STK3: variants seen among roughly 807,000 people sequenced by gnomAD.
STK3 encodes the protein serine/threonine kinase 3.
In STK3, 41 loss-of-function variants were observed where a neutral mutation model predicts 58.0. The ratio of observed to expected loss-of-function variants is 0.71; its 90% confidence interval spans 0.55 to 0.92. STK3 has a LOEUF of 0.92. Ranked by LOEUF, STK3 falls within the 40% of genes least tolerant of loss-of-function variation. STK3 has a pLI of 0.00. For synonymous variants in STK3, 170 were observed against 191.0 expected (o/e 0.89, Z 0.91); for missense variants, 479 against 602.7 (o/e 0.79, Z 2.15).
At chr8:98,447,951 A>G (rs1819027766) in intron 1 of STK3, among the ~76,000 whole-genome samples, 1 of 50,728 alleles carries the variant, frequency 2.0e-5, no homozygotes, top group Non-Finnish European at 4.3e-5. Context: ...CCTAAAACTT[A>G]AAGTATAATA....
intron 1 of STK3, chr8:98,438,028 C>G (rs1222569646): frequency 6.6e-6 from 1 of 152,410 alleles, no homozygotes; most frequent in Non-Finnish European, 1.5e-5. Flanking sequence ...TCCACCCTGT[C>G]CTTTCCTCTA....
intron 1 of STK3, among the ~76,000 whole-genome samples, chr8:98,446,785 C>T (rs562032591): frequency 1.2e-4 from 18 of 152,180 alleles, no homozygotes; most frequent in South Asian, 4.2e-4. Context: ...GACATATGCA[C>T]GCAAATGTTC....
At chr8:98,397,692 G>T (rs1817907863), downstream of STK3, among the ~76,000 whole-genome samples, 1 of 152,050 alleles carries the variant, frequency 6.6e-6, no homozygotes, top group Admixed American at 6.6e-5. Context: ...ATGTTGAATT[G>T]TAATCCCCAC....
intron 3 of STK3, among the ~76,000 whole-genome samples, chr8:98,877,522 C>T (rs1051062845): frequency 2.8e-4 from 42 of 151,800 alleles, no homozygotes; most frequent in African/African-American, 7.5e-4. Flanking sequence ...TCGCTCTTGT[C>T]GCCCAGGCTG....
downstream of STK3, among the ~76,000 whole-genome samples, chr8:98,453,352 G>A (rs1440911276): frequency 6.6e-6 from 1 of 152,142 alleles, no homozygotes; most frequent in Non-Finnish European, 1.5e-5. Context: ...CTCCCAAAGT[G>A]CTGGGATTAC....
At chr8:98,440,735 G>A (rs186729424) in intron 1 of STK3, among the ~76,000 whole-genome samples, 18 of 152,316 alleles carry the variant, frequency 1.2e-4, no homozygotes, top group African/African-American at 4.3e-4. Context: ...GGATGATGAT[G>A]TTAATAGCTA....
At chr8:98,445,034 G>A (rs1382110076) in intron 1 of STK3, among the ~76,000 whole-genome samples, 1 of 152,000 alleles carries the variant, frequency 6.6e-6, no homozygotes, top group Non-Finnish European at 1.5e-5. Flanking sequence ...TTTATCTTTT[G>A]TTTTCTGTAG....
rs147459604 is a variant in STK3 at position 98,458,521 on chromosome 8, G to A, written c.1318-2521C>T. On this transcript the variant is annotated intron_variant, in intron 10 of 10. Coordinates refer to ENST00000419617, the MANE Select transcript of STK3 (RefSeq NM_006281.4). ...GCTTGGTCACTGTTGGTATATAATA[G>A]TGCTACTGATTTGTACCACTGATTT... Among the ~76,000 whole-genome samples, 3 of 128,078 alleles carry A rather than the reference G, an allele frequency of 2.3e-5. No individual in the cohort carries two copies. The East Asian group carries it at 7.1e-4, about 30-fold the overall frequency. 84.0% of individuals were successfully genotyped at this position (128,078 alleles called of 152,430 possible). A position where few individuals can be genotyped will look rare whatever the true frequency, so the allele number is the denominator to read the frequency against.
rs539263184 is a variant in STK3, at chr8:98,806,882, C to T, written c.26+18633G>A. 6.6e-5 allele frequency among the ~76,000 whole-genome samples: 10 copies of T among 152,242 alleles called. 1 individual carries two copies. In the South Asian group the frequency reaches 1.9e-3, roughly 28 times the overall value. On this transcript the variant is annotated intron_variant, in intron 1 of 10. Coordinates refer to ENST00000419617, the MANE Select transcript of STK3 (RefSeq NM_006281.4). The stretch of plus-strand genomic sequence containing the variant: ...ACGGTAAGATTAGGTGGGCTGAGCA[C>T]GGTGGCTCACGCCTGTAATCCCAAC...
intron 1 of STK3, among the ~76,000 whole-genome samples, chr8:98,791,641 G>C (rs747481395): frequency 2.0e-5 from 3 of 152,132 alleles, no homozygotes; most frequent in Admixed American, 2.0e-4. Context: ...CAATGGAACA[G>C]AAAGAACCCA....
At chr8:98,705,170 C>T (rs1294980356) in intron 6 of STK3, among the ~76,000 whole-genome samples, 1 of 152,146 alleles carries the variant, frequency 6.6e-6, no homozygotes, top group Non-Finnish European at 1.5e-5. Flanking sequence ...GCTGTAATCC[C>T]AGCACTTTGG....
At chr8:98,497,576 C>T (rs930983349) in intron 10 of STK3, among the ~76,000 whole-genome samples, 6 of 152,082 alleles carry the variant, frequency 3.9e-5, no homozygotes, top group Non-Finnish European at 1.5e-5. Flanking sequence ...AGAGTATATA[C>T]AGAGCTCTTA....
chr8:98,656,276 A>G (rs1821512227), intron 6 of STK3, among the ~76,000 whole-genome samples: 1 of 151,298 alleles, frequency 6.6e-6, no homozygotes, highest in African/African-American at 2.4e-5. Flanking sequence ...ATAGGTGGGA[A>G]TTGAACAATG....
In STK3 at chr8:98,721,762, A is replaced by T. The variant is rs183265427; in HGVS notation, c.352-14451T>A. Among the ~76,000 whole-genome samples, 64 of 152,254 alleles carry T rather than the reference A, an allele frequency of 4.2e-4. No individual in the cohort carries two copies. In the East Asian group the frequency reaches 0.012, roughly 28 times the overall value. On this transcript the variant is annotated intron_variant, in intron 4 of 10. Transcript: ENST00000419617. ...AAAACAATAAAGTACCAAATATAAAATTACCCCAGGGGTTACAATATTGCT... is the reference window on the plus strand; with the variant it reads ...AAAACAATAAAGTACCAAATATAAATTTACCCCAGGGGTTACAATATTGCT...
chr8:98,821,601 G>T (rs768731099), intron 1 of STK3, among the ~76,000 whole-genome samples: 14 of 150,828 alleles, frequency 9.3e-5, no homozygotes, highest in Non-Finnish European at 1.6e-4. Context: ...GGTCAAGGCT[G>T]CAGTGAGCCA....
intron 1 of STK3, among the ~76,000 whole-genome samples, chr8:98,790,047 A>T (rs1041618700): frequency 3.3e-5 from 5 of 150,310 alleles, no homozygotes. Flanking sequence ...AAAAAAAAAA[A>T]GTCCAGGACT....
At chr8:98,829,573 A>G (rs1313552566), upstream of STK3, among the ~76,000 whole-genome samples, 4 of 152,210 alleles carry the variant, frequency 2.6e-5, no homozygotes, top group African/African-American at 9.6e-5. Flanking sequence ...CAACCTTGTG[A>G]AGTAGTTATT....
At chr8:98,401,149 G>A (rs1817940162), downstream of STK3, among the ~76,000 whole-genome samples, 1 of 152,156 alleles carries the variant, frequency 6.6e-6, no homozygotes, top group Non-Finnish European at 1.5e-5. Flanking sequence ...GCCCCCTGAA[G>A]ATGCCCGGCT....
chr8:98,707,009 A>G, intron 5 of STK3, 138 bp downstream of exon 5: 2 of 904,976 alleles, frequency 2.2e-6, no homozygotes, highest in Non-Finnish European at 3.1e-6. Context: ...AATTTGGCTC[A>G]ATTATGGTTC....
Sources: allele counts gnomAD v4.1 joint callset (sites outside exome capture counted in the v4.1 genomes callset), GRCh38; gene constraint gnomAD v4.1.1; transcripts MANE v1.5; gene names NCBI Gene and HGNC (gene_info 2026-07-23, HGNC 2026-07-21).